MOK: variants seen among roughly 807,000 people sequenced by gnomAD.
The protein encoded by MOK is MOK protein kinase, also known as MAPK/MAK/MRK overlapping kinase.
MOK carries 59 observed loss-of-function variants against 54.2 expected under a neutral mutation model. That is an observed-to-expected ratio of 1.09 (90% CI 0.88 to 1.35). MOK has a LOEUF of 1.35. MOK is among the 40% of genes most tolerant of loss of function. MOK has a pLI of 0.00. For synonymous variants in MOK, 210 were observed against 202.7 expected (o/e 1.04, Z -0.31); for missense variants, 517 against 526.2 (o/e 0.98, Z 0.17).
intron 1 of MOK, among the ~76,000 whole-genome samples, chr14:102,297,701 G>C (rs1296825723): frequency 6.6e-6 from 1 of 152,164 alleles, no homozygotes; most frequent in Non-Finnish European, 1.5e-5. Flanking sequence ...GTGCAGGCGG[G>C]AACCGGGGCT....
At chr14:102,221,334 G>A (rs553741851), downstream of MOK, among the ~76,000 whole-genome samples, 1 of 152,336 alleles carries the variant, frequency 6.6e-6, no homozygotes, top group East Asian at 1.9e-4. The surrounding 1 kb of genome is among the most constrained non-coding windows in gnomAD (Gnocchi z 4.8). Context: ...GTCACTTCCT[G>A]GACACCACAT....
At chr14:102,286,608 C>T (rs61518785) in intron 1 of MOK, among the ~76,000 whole-genome samples, 1 of 151,410 alleles carries the variant, frequency 6.6e-6, no homozygotes, top group Non-Finnish European at 1.5e-5. Context: ...GAGACCCTGT[C>T]TAAAAGAAAA....
intron 4 of MOK, among the ~76,000 whole-genome samples, chr14:102,257,912 G>C (rs561517225): frequency 1.3e-5 from 2 of 151,692 alleles, no homozygotes; most frequent in African/African-American, 4.8e-5. Flanking sequence ...GGGAGGCAGA[G>C]GTCGCAGTGA....
rs187881898 is a variant in MOK, at chr14:102,272,188, A to C, written c.123-6276T>G. 1.2e-3 allele frequency among the ~76,000 whole-genome samples: 185 copies of C among 152,318 alleles called. 1 individual carries two copies. Among genetic ancestry groups the C allele is most frequent in the Non-Finnish European group, 2.2e-3 (153 of 68,032 alleles). On this transcript the variant is annotated intron_variant, in intron 2 of 11. Coordinates refer to ENST00000361847, the MANE Select transcript of MOK (RefSeq NM_014226.3). ...GCCTAACTCCCTAACAAAGACTTTTATATAATAAGAAAAGTATAGGCCAAG... is the reference window on the plus strand; with the variant it reads ...GCCTAACTCCCTAACAAAGACTTTTCTATAATAAGAAAAGTATAGGCCAAG...
chr14:102,299,524 A>G (rs940789324), intron 1 of MOK, among the ~76,000 whole-genome samples: 4 of 152,036 alleles, frequency 2.6e-5, no homozygotes, highest in Non-Finnish European at 5.9e-5. Flanking sequence ...AAAAAAAAAA[A>G]GAAAAATTCT....
intron 2 of MOK, chr14:102,278,710 A>G (rs1256717299): frequency 6.6e-6 from 3 of 455,962 alleles, no homozygotes; most frequent in Admixed American, 2.4e-5. Context: ...AGATGTAACA[A>G]TGGATCTTCC....
chr14:102,235,058 C>T lies in MOK; in HGVS notation c.591-1269G>A, dbSNP rs541650503. 18 of 152,392 alleles carry T rather than the reference C, an allele frequency of 1.2e-4. No individual in the cohort carries two copies. Among genetic ancestry groups the T allele is most frequent in the African/African-American group, 3.1e-4 (13 of 41,542 alleles). The allele number at this position is 152,392 out of a possible 1,614,324, so 9.4% of individuals were successfully genotyped here. On this transcript the variant is annotated intron_variant, in intron 7 of 11. Transcript: ENST00000361847. The surrounding 1 kb of genome is among the most constrained non-coding windows in gnomAD (Gnocchi z 4.4). ...ACAACATCCTAATCCTCCACCGGAA[C>T]AGCATGACCCCCCACCGTATGCCTC...
chr14:102,243,767 C>T (rs961688812), intron 7 of MOK, among the ~76,000 whole-genome samples: 7 of 152,186 alleles, frequency 4.6e-5, no homozygotes, highest in East Asian at 1.9e-4. Flanking sequence ...TCCATTTCCC[C>T]ATATTTCCTT....
At chr14:102,258,110 T>G (rs1333763294) in intron 4 of MOK, among the ~76,000 whole-genome samples, 3 of 152,198 alleles carry the variant, frequency 2.0e-5, no homozygotes, top group Admixed American at 1.3e-4. Context: ...TGCAATATAT[T>G]AGAAATAAAA....
Position 102,251,943 on chromosome 14 carries a change from T to C in MOK, c.336A>G (p.Leu112=), listed in dbSNP as rs2066562013. Residue 112 remains leucine (L), a synonymous_variant, in exon 5 of 12, where the codon TTA becomes TTG. Coordinates refer to ENST00000361847, the MANE Select transcript of MOK (RefSeq NM_014226.3). ...TGTGAATATGATCCAGGGACTTACA[T>C]AACTGGTACATATAGTGCATAATTT... ...EKKIMHYMYQ[L]CKSLDHIHRN... The C allele has an allele frequency of 6.2e-7, 1 of 1,607,274 alleles. No homozygotes were observed. Among genetic ancestry groups the C allele is most frequent in the Non-Finnish European group, 8.5e-7 (1 of 1,174,528 alleles).
At chr14:102,272,318 T>C (rs1016882066) in intron 2 of MOK, among the ~76,000 whole-genome samples, 1 of 151,890 alleles carries the variant, frequency 6.6e-6, no homozygotes, top group African/African-American at 2.4e-5. Flanking sequence ...CAAAACCCCA[T>C]CTCTACTAAA....
chr14:102,284,663 A>G (rs1169344764), intron 1 of MOK, among the ~76,000 whole-genome samples: 1 of 152,198 alleles, frequency 6.6e-6, no homozygotes, highest in Non-Finnish European at 1.5e-5. Context: ...CAAATGGCTC[A>G]TCTTTGCGGC....
intron 1 of MOK, among the ~76,000 whole-genome samples, chr14:102,288,923 G>C (rs771417055): frequency 7.9e-5 from 12 of 152,166 alleles, no homozygotes; most frequent in Middle Eastern, 3.4e-3. Flanking sequence ...TTTGTTTTGA[G>C]ACAGGGTCTC....
intron 2 of MOK, among the ~76,000 whole-genome samples, chr14:102,266,178 C>G (rs189860838): frequency 4.4e-4 from 67 of 152,024 alleles, no homozygotes; most frequent in African/African-American, 1.4e-3. Flanking sequence ...TACATATTAA[C>G]AAACATAAAA....
At chr14:102,271,876 C>A (rs1051895998) in intron 2 of MOK, among the ~76,000 whole-genome samples, 1 of 151,704 alleles carries the variant, frequency 6.6e-6, no homozygotes, top group Non-Finnish European at 1.5e-5. Context: ...CTAATAAAGA[C>A]TTTTTTCTTT....
At chr14:102,256,664 G>A (rs1159564651) in intron 4 of MOK, among the ~76,000 whole-genome samples, 2 of 151,102 alleles carry the variant, frequency 1.3e-5, no homozygotes, top group Admixed American at 1.3e-4. Context: ...GCCTCCCAAA[G>A]TGTTGGGACT....
chr14:102,278,124 C>G (rs1033792710), intron 2 of MOK, among the ~76,000 whole-genome samples: 5 of 152,166 alleles, frequency 3.3e-5, no homozygotes, highest in African/African-American at 1.2e-4. Flanking sequence ...AAAGCAAGCC[C>G]TCGCCAGATA....
intron 2 of MOK, among the ~76,000 whole-genome samples, chr14:102,272,177 C>G (rs1440218693): frequency 6.6e-6 from 1 of 152,150 alleles, no homozygotes; most frequent in Non-Finnish European, 1.5e-5. Flanking sequence ...AACTCCCTAA[C>G]AAAGACTTTT....
At chr14:102,270,634 TA>T (rs2068276663) in intron 2 of MOK, among the ~76,000 whole-genome samples, 1 of 151,918 alleles carries the variant, frequency 6.6e-6, no homozygotes, top group Non-Finnish European at 1.5e-5. Context: ...ATGAGAGTAT[TA>T]CAAATAACTG....
Sources: gnomAD v4.1 joint callset for allele counts (sites outside exome capture counted in the v4.1 genomes callset) on GRCh38, gnomAD v4.1.1 for gene constraint, Gnocchi (gnomAD v3.1) non-coding constraint, MANE v1.5 for transcripts, NCBI Gene and HGNC (gene_info 2026-07-23, HGNC 2026-07-21) for gene names.